Variants in FNIP2 observed in about 807,000 individuals in gnomAD.
FNIP2 encodes folliculin-interacting protein 2.
Under a neutral mutation model 108.7 loss-of-function variants are expected in FNIP2, and 32 were observed. That is an observed-to-expected ratio of 0.29 (90% CI 0.22 to 0.40). FNIP2 has a LOEUF of 0.40. FNIP2 is among the 10% of genes least tolerant of loss of function. The probability of loss-of-function intolerance (pLI) is 1.00; values close to 1 mark genes in which losing one functional copy is unlikely to be tolerated. For synonymous variants in FNIP2, 480 were observed against 496.7 expected, an observed-to-expected ratio of 0.97 and a Z score of 0.45; for missense variants, 1,202 against 1,381.6, an observed-to-expected ratio of 0.87 and a Z score of 2.06.
At chr4:158,851,552 C>A in intron 8 of FNIP2, 102 bp downstream of exon 8, 1 of 1,440,384 alleles carries the variant, frequency 6.9e-7, no homozygotes, top group East Asian at 2.3e-5. Flanking sequence ...GAAAAAAAAC[C>A]AAAACTTTTT....
intron 14 of FNIP2, among the ~76,000 whole-genome samples, chr4:158,887,859 T>G (rs1782102210): frequency 6.6e-6 from 1 of 152,030 alleles, no homozygotes; most frequent in African/African-American, 2.4e-5. Flanking sequence ...TTCTTTAAAT[T>G]CTGAAAACTT....
At chr4:158,827,904 A>C (rs1286893387) in intron 2 of FNIP2, among the ~76,000 whole-genome samples, 1 of 152,086 alleles carries the variant, frequency 6.6e-6, no homozygotes, top group Non-Finnish European at 1.5e-5. Context: ...TTTGCATTAG[A>C]CCACCAGTGT....
chr4:158,856,963 A>G (rs143892299), intron 8 of FNIP2, among the ~76,000 whole-genome samples: 10 of 152,330 alleles, frequency 6.6e-5, no homozygotes, highest in Admixed American at 2.0e-4. Context: ...TACAGAATGA[A>G]ACTCAGTTGA....
rs376262593 is a variant in FNIP2, at chr4:158,868,995, G to A, written c.2359G>A (p.Asp787Asn). The A allele has an allele frequency of 1.4e-5, 22 of 1,613,878 alleles. No individual in the cohort carries two copies. Among genetic ancestry groups the A allele is most frequent in the Non-Finnish European group, 1.8e-5 (21 of 1,179,910 alleles). ...CCPQNRLSEG[D>N]EGESDKGFAE... is the part of the protein sequence containing the mutation. ...TCCTCAGAATCGGCTTTCAGAGGGG[G>A]ATGAAGGCGAGTCTGACAAGGGTTT... The change falls in exon 13 of 17, where the codon GAT becomes AAT. Residue 787 changes from aspartate (D) to asparagine (N), a missense_variant. This residue lies in a region of FNIP2 where 878 missense variants were observed against 990.3 expected (regional missense o/e 0.89). Transcript: ENST00000264433. The surrounding 1 kb of genome is among the most constrained non-coding windows in gnomAD (Gnocchi z 4.6).
chr4:158,896,594 A>G (rs1560841964), intron 16 of FNIP2, among the ~76,000 whole-genome samples: 1 of 152,124 alleles, frequency 6.6e-6, no homozygotes, highest in Non-Finnish European at 1.5e-5. Context: ...TAAGCCTCCT[A>G]AGAGACTGGG....
At chr4:158,855,100 G>A (rs191588176) in intron 8 of FNIP2, among the ~76,000 whole-genome samples, 49 of 152,258 alleles carry the variant, frequency 3.2e-4, no homozygotes, top group African/African-American at 1.1e-3. Flanking sequence ...GGTCAGAAAA[G>A]CAAGGTCTTG....
In FNIP2 at chr4:158,843,762, C is replaced by T. The variant is rs947053847; in HGVS notation, c.728-7559C>T. Among the ~76,000 whole-genome samples, 11 of 152,182 alleles carry T rather than the reference C, an allele frequency of 7.2e-5. No individual in the cohort carries two copies. In the South Asian group the frequency reaches 1.0e-3, roughly 14 times the overall value. On this transcript the variant is annotated intron_variant, in intron 7 of 16. Transcript: ENST00000264433. ...TGAGCCTGGAGAGGAAATAAGGGGT[C>T]TGATCCCACTGCTACATTTTTTATT...
intron 1 of FNIP2, among the ~76,000 whole-genome samples, chr4:158,798,947 T>A (rs1776675468): frequency 1.3e-5 from 2 of 152,254 alleles, no homozygotes; most frequent in South Asian, 4.1e-4. Context: ...TTAAAAATTA[T>A]AAATGCTTAA....
chr4:158,781,560 G>A lies in FNIP2; in HGVS notation c.107+12241G>A, dbSNP rs1037324166. On this transcript the variant is annotated intron_variant, in intron 1 of 16. Coordinates refer to ENST00000264433, the MANE Select transcript of FNIP2 (RefSeq NM_020840.3). The stretch of plus-strand genomic sequence containing the variant: ...GACAGAGTCTCACTCTGTCGCCCAG[G>A]CTGGAGTGCAGTGGCGCGATCTTGG... Among the ~76,000 whole-genome samples the A allele has an allele frequency of 2.0e-5, 3 of 152,274 alleles. No individual in the cohort carries two copies. In the South Asian group the frequency reaches 6.2e-4, roughly 32 times the overall value.
At chr4:158,877,889 A>G (rs982505901) in intron 14 of FNIP2, among the ~76,000 whole-genome samples, 1 of 152,108 alleles carries the variant, frequency 6.6e-6, no homozygotes, top group African/African-American at 2.4e-5. Flanking sequence ...GCAGTAAGCT[A>G]TGATGGAGCC....
At position 158,856,953 on chromosome 4, in the gene FNIP2, T is replaced by G. The variant is rs115283123; in HGVS notation, c.858-2104T>G. 2.8e-3 allele frequency among the ~76,000 whole-genome samples: 423 copies of G among 152,374 alleles called. 3 individuals are homozygous for G. The highest frequency in any genetic ancestry group is 9.7e-3 in the African/African-American group (402 of 41,592). On this transcript the variant is annotated intron_variant, in intron 8 of 16. Transcript: ENST00000264433. ...CCACGTTGCATGGTTGATGCAAGACTACAGAATGAAACTCAGTTGATTTAG... is the reference window on the plus strand; with the variant it reads ...CCACGTTGCATGGTTGATGCAAGACGACAGAATGAAACTCAGTTGATTTAG...
At chr4:158,826,723 G>T (rs749136937) in intron 2 of FNIP2, among the ~76,000 whole-genome samples, 1 of 152,164 alleles carries the variant, frequency 6.6e-6, no homozygotes, top group African/African-American at 2.4e-5. Flanking sequence ...AAAGTAACAT[G>T]TTTAAGGTGA....
chr4:158,862,381 G>A (rs1780345707), intron 12 of FNIP2, among the ~76,000 whole-genome samples: 1 of 152,172 alleles, frequency 6.6e-6, no homozygotes, highest in Non-Finnish European at 1.5e-5. Context: ...TACAGATGTT[G>A]TCTTGTCCTT....
chr4:158,815,409 G>C (rs1352918021), intron 1 of FNIP2, among the ~76,000 whole-genome samples: 3 of 144,690 alleles, frequency 2.1e-5, no homozygotes, highest in African/African-American at 7.7e-5. Context: ...TTGAGACGGA[G>C]TCTTGCTCTC....
At chr4:158,894,384 T>C (rs1782500791) in intron 15 of FNIP2, among the ~76,000 whole-genome samples, 1 of 151,888 alleles carries the variant, frequency 6.6e-6, no homozygotes, top group African/African-American at 2.4e-5. Flanking sequence ...GTTGCCTAGG[T>C]TGGTCTTGAA....
intron 14 of FNIP2, chr4:158,871,793 A>G (rs1780964496): frequency 1.0e-6 from 1 of 985,090 alleles, no homozygotes; most frequent in South Asian, 4.7e-5. Context: ...TGAACACCAT[A>G]TAGTCATTTA....
chr4:158,881,392 TCTCTCTCTTTCCACGGTCTCCCTCTCC>T (rs1781602537), intron 14 of FNIP2, among the ~76,000 whole-genome samples: 1 of 133,008 alleles, frequency 7.5e-6, no homozygotes, highest in Admixed American at 7.4e-5. Context: ...CCTCTCCCTC[TCTCTCTCTTTCCACGGTCTCCCTCTCC>T]CTCTCTTTCC....
chr4:158,870,320 A>C lies in FNIP2; in HGVS notation c.2800A>C (p.Ser934Arg). Reference protein sequence around the residue: ...EVELPLPRSQSISTQNVRNFG... With the variant: ...EVELPLPRSQRISTQNVRNFG... ...GGCCACATGTTGTTTTAGGTCTCAG[A>C]GCATCAGCACCCAGAATGTAAGGAA... Residue 934 changes from serine (S) to arginine (R), a missense_variant, in exon 14 of 17, where the codon AGC (serine) becomes CGC (arginine). Physicochemically the swap from Ser to Arg is moderately radical, Grantham distance 110. Coordinates refer to ENST00000264433, the MANE Select transcript of FNIP2 (RefSeq NM_020840.3). The C allele has an allele frequency of 6.2e-7, 1 of 1,613,342 alleles. No homozygotes were observed. Among genetic ancestry groups the C allele is most frequent in the Non-Finnish European group, 8.5e-7 (1 of 1,179,312 alleles).
chr4:158,887,789 C>G (rs1160988130), intron 14 of FNIP2, among the ~76,000 whole-genome samples: 1 of 147,318 alleles, frequency 6.8e-6, no homozygotes, highest in African/African-American at 2.5e-5. Context: ...AATTCCAGGG[C>G]ATAGTGTGCA....
Sources: gnomAD v4.1 joint callset for allele counts (sites outside exome capture counted in the v4.1 genomes callset) on GRCh38, gnomAD v4.1.1 for gene constraint, gnomAD v4.1.1 regional missense constraint, Gnocchi (gnomAD v3.1) non-coding constraint, MANE v1.5 for transcripts, NCBI Gene and HGNC (gene_info 2026-07-23, HGNC 2026-07-21) for gene names.